PSMA3: variants seen among roughly 807,000 people sequenced by gnomAD.
The protein encoded by PSMA3 is proteasome subunit alpha type-3.
Under a neutral mutation model 40.0 loss-of-function variants are expected in PSMA3, and 8 were observed. That is an observed-to-expected ratio of 0.20 (90% CI 0.12 to 0.36). The LOEUF is 0.36. Ranked by LOEUF, PSMA3 falls within the 10% of genes least tolerant of loss-of-function variation. PSMA3 has a pLI of 1.00. For missense variants in PSMA3, 219 were observed against 310.6 expected (o/e 0.70, Z 2.22); for synonymous variants, 110 against 100.0 (o/e 1.10, Z -0.59).
At chr14:58,250,845 C>A (rs1335872010) in intron 2 of PSMA3, among the ~76,000 whole-genome samples, 4 of 152,178 alleles carry the variant, frequency 2.6e-5, no homozygotes, top group African/African-American at 7.2e-5. Context: ...GTGTAGTAAT[C>A]TAGGCCTGAA....
At chr14:58,248,299 G>A (rs1566637252) in intron 2 of PSMA3, among the ~76,000 whole-genome samples, 1 of 152,164 alleles carries the variant, frequency 6.6e-6, no homozygotes, top group Admixed American at 6.5e-5. Flanking sequence ...GCACGATCTT[G>A]GCTCACTGCA....
intron 2 of PSMA3, among the ~76,000 whole-genome samples, chr14:58,249,855 A>C (rs1419546332): frequency 6.6e-6 from 1 of 152,224 alleles, no homozygotes; most frequent in East Asian, 1.9e-4. Flanking sequence ...AGACTGCCTG[A>C]AAGGATTTCA....
chr14:58,268,912 A>G (rs1404520879), intron 8 of PSMA3: 2 of 152,086 alleles, frequency 1.3e-5, no homozygotes, highest in Non-Finnish European at 2.9e-5. Flanking sequence ...AGATAAAGCT[A>G]TACTCTGCTA....
chr14:58,268,998 G>C (rs182827971), intron 8 of PSMA3: 6 of 152,002 alleles, frequency 3.9e-5, no homozygotes, highest in Admixed American at 2.6e-4. Flanking sequence ...GCAGTGGCAC[G>C]ATCTTGGCTC....
intron 2 of PSMA3, among the ~76,000 whole-genome samples, chr14:58,250,236 A>AAAAAAAG (rs1889978560): frequency 6.6e-6 from 1 of 150,638 alleles, no homozygotes; most frequent in South Asian, 2.1e-4. Context: ...AAAAAAAAAA[A>AAAAAAAG]TAGGGACAGA....
chr14:58,271,728 TCATTCAGTTA>T, intron 10 of PSMA3, 113 bp from the exon 11 acceptor site: 4 of 690,450 alleles, frequency 5.8e-6, no homozygotes, highest in Non-Finnish European at 1.0e-5. Flanking sequence ...CTGAAACTGT[TCATTCAGTTA>T]CAAGTAGAGG....
At chr14:58,249,043 G>A (rs945353399) in intron 2 of PSMA3, among the ~76,000 whole-genome samples, 18 of 152,200 alleles carry the variant, frequency 1.2e-4, no homozygotes, top group African/African-American at 4.1e-4. Flanking sequence ...TTGGCTCACC[G>A]CAACCTCTGC....
intron 7 of PSMA3, chr14:58,266,264 A>G (rs1381965341): frequency 6.6e-6 from 1 of 152,206 alleles, no homozygotes; most frequent in Non-Finnish European, 1.5e-5. Flanking sequence ...GCAGAGCTTG[A>G]GCATCCAGAT....
chr14:58,259,726 AG>A (rs1467585927), intron 5 of PSMA3, among the ~76,000 whole-genome samples: 3 of 152,228 alleles, frequency 2.0e-5, no homozygotes, highest in Admixed American at 6.5e-5. Context: ...GACAACAATT[AG>A]GGAACGGACT....
At chr14:58,255,186 G>T in intron 3 of PSMA3, among the ~76,000 whole-genome samples, 1 of 148,440 alleles carries the variant, frequency 6.7e-6, no homozygotes, top group East Asian at 2.0e-4. Flanking sequence ...CTTAGTAGCC[G>T]TTTTTTTTTT....
chr14:58,247,333 C>T (rs569936986), intron 1 of PSMA3, among the ~76,000 whole-genome samples: 3 of 152,204 alleles, frequency 2.0e-5, no homozygotes, highest in East Asian at 3.9e-4. Flanking sequence ...CTTTGTATTC[C>T]GTATAGTAAC....
intron 7 of PSMA3, among the ~76,000 whole-genome samples, 162 bp downstream of exon 7, chr14:58,263,932 A>G (rs1044801089): frequency 3.9e-5 from 6 of 152,338 alleles, no homozygotes; most frequent in Middle Eastern, 3.4e-3. Context: ...AGCTTAAAAA[A>G]AAATCTCATC....
At chr14:58,264,415 A>G (rs1290060449) in intron 7 of PSMA3, among the ~76,000 whole-genome samples, 1 of 152,172 alleles carries the variant, frequency 6.6e-6, no homozygotes, top group African/African-American at 2.4e-5. Context: ...TTAGTGTGAA[A>G]AAGTTTTCTT....
At chr14:58,250,811 C>T (rs1160457394) in intron 2 of PSMA3, among the ~76,000 whole-genome samples, 1 of 151,972 alleles carries the variant, frequency 6.6e-6, no homozygotes, top group Non-Finnish European at 1.5e-5. Context: ...TTAGATTAAA[C>T]GGATTAGAGA....
intron 5 of PSMA3, chr14:58,258,248 G>A: frequency 5.0e-6 from 2 of 397,776 alleles, no homozygotes; most frequent in Non-Finnish European, 9.2e-6. Context: ...GACCAGCCTG[G>A]CCAACGCAGT....
intron 6 of PSMA3, among the ~76,000 whole-genome samples, chr14:58,262,189 AAAGTGCAAGG>A (rs148778704): frequency 0.052 from 7,846 of 152,150 alleles, 275 homozygotes; most frequent in South Asian, 0.12. Context: ...CCGGCCTGCC[AAAGTGCAAGG>A]ATTACAGGCG....
At chr14:58,258,028 C>T in intron 5 of PSMA3, 30 bp downstream of exon 5, 1 of 1,495,110 alleles carries the variant, frequency 6.7e-7, no homozygotes, top group Non-Finnish European at 9.3e-7. Context: ...ATTCAAAAGG[C>T]AGATCTGTAC....
chr14:58,270,406 T>C lies in PSMA3; in HGVS notation c.591-12T>C. Reference sequence around the variant, plus strand: ...GGTTACCAAAATCTTACCTTTCCCTTTTCTATTCTAGAATTTACATAGTAC... The same window carrying C: ...GGTTACCAAAATCTTACCTTTCCCTCTTCTATTCTAGAATTTACATAGTAC... On this transcript the variant is annotated splice_polypyrimidine_tract_variant and intron_variant, in intron 8 of 10. Coordinates refer to ENST00000216455, the MANE Select transcript of PSMA3 (RefSeq NM_002788.4). 6.2e-7 allele frequency: 1 copy of C among 1,613,082 alleles called. No individual in the cohort carries two copies. The highest frequency in any genetic ancestry group is 8.5e-7 in the Non-Finnish European group (1 of 1,179,492).
At chr14:58,248,663 G>A (rs1889931356) in intron 2 of PSMA3, among the ~76,000 whole-genome samples, 1 of 151,890 alleles carries the variant, frequency 6.6e-6, no homozygotes, top group Non-Finnish European at 1.5e-5. Context: ...CCTGAATGAA[G>A]AAAAAATGCA....
Sources: allele counts gnomAD v4.1 joint callset (sites outside exome capture counted in the v4.1 genomes callset), GRCh38; gene constraint gnomAD v4.1.1; transcripts MANE v1.5; gene names NCBI Gene and HGNC (gene_info 2026-07-23, HGNC 2026-07-21).